Variants in GLP1R observed in about 807,000 individuals in gnomAD.
The protein encoded by GLP1R is glucagon-like peptide 1 receptor.
A neutral mutation model predicts 68.4 loss-of-function variants in GLP1R; 32 were observed. The observed-to-expected ratio is 0.47, with a 90% CI of 0.35 to 0.63. GLP1R has a LOEUF of 0.63. Ranked by LOEUF, GLP1R falls within the 20% of genes least tolerant of loss-of-function variation. GLP1R has a pLI of 0.00. For synonymous variants in GLP1R, 263 were observed against 244.4 expected, an observed-to-expected ratio of 1.08 and a Z score of -0.71; for missense variants, 502 against 594.9, an observed-to-expected ratio of 0.84 and a Z score of 1.62.
chr6:39,067,180 T>G (rs534600068), intron 5 of GLP1R, among the ~76,000 whole-genome samples: 174 of 152,340 alleles, frequency 1.1e-3, no homozygotes, highest in Non-Finnish European at 2.1e-3. Context: ...AATGTGCCTC[T>G]TTTAATTCCG....
intron 1 of GLP1R, among the ~76,000 whole-genome samples, chr6:39,055,802 T>A (rs751253019): frequency 6.6e-5 from 10 of 152,252 alleles, no homozygotes; most frequent in Non-Finnish European, 1.0e-4. Context: ...ACATCCCAGC[T>A]CTTTGTAGCC....
Position 39,086,213 on chromosome 6 carries a change from T to C in GLP1R, c.*140T>C. 1 of 627,044 alleles carries C rather than the reference T, an allele frequency of 1.6e-6. No homozygotes were observed. Among genetic ancestry groups the C allele is most frequent in the Non-Finnish European group, 2.6e-6 (1 of 384,066 alleles). The allele number at this position is 627,044 out of a possible 1,614,324, so 38.8% of individuals were successfully genotyped here. A position where few individuals can be genotyped will look rare whatever the true frequency, so the allele number is the denominator to read the frequency against. ...CACACACACACACACACATACATCC[T>C]GCTTTCCCTCCCCAAACCCATCAGA... is the stretch of plus-strand genomic sequence containing the variant. On this transcript the variant is annotated 3_prime_UTR_variant, in exon 13 of 13. Coordinates refer to ENST00000373256, the MANE Select transcript of GLP1R (RefSeq NM_002062.5). The surrounding 1 kb of genome is among the most constrained non-coding windows in gnomAD (Gnocchi z 4.5).
At position 39,077,144 on chromosome 6, in the gene GLP1R, CT is replaced by C. The variant is rs1258858019; in HGVS notation, c.824-1176del. On this transcript the variant is annotated intron_variant, in intron 7 of 12. Coordinates refer to ENST00000373256, the MANE Select transcript of GLP1R (RefSeq NM_002062.5). The stretch of plus-strand genomic sequence containing the variant: ...ATCTCGGTTCAACTTAGCTGGGTAC[CT>C]TGTGGCTCAGGATCTCACAGAGAAA... 5.3e-5 allele frequency among the ~76,000 whole-genome samples: 8 copies of C among 152,310 alleles called. No individual in the cohort carries two copies. The South Asian group carries it at 1.2e-3, about 24-fold the overall frequency.
At chr6:39,065,338 T>C (rs1006817490) in intron 3 of GLP1R, among the ~76,000 whole-genome samples, 7 of 152,174 alleles carry the variant, frequency 4.6e-5, no homozygotes, top group African/African-American at 1.7e-4. Context: ...CCAGACCTTG[T>C]CAGTAGTGTG....
chr6:39,071,007 A>G (rs1768646748), intron 5 of GLP1R, among the ~76,000 whole-genome samples: 1 of 152,206 alleles, frequency 6.6e-6, no homozygotes, highest in Non-Finnish European at 1.5e-5. Flanking sequence ...TTGCTTTAAA[A>G]TTATTCATTT....
chr6:39,060,932 C>G (rs1335423368), intron 3 of GLP1R, among the ~76,000 whole-genome samples: 3 of 152,198 alleles, frequency 2.0e-5, no homozygotes, highest in Non-Finnish European at 4.4e-5. Context: ...GGCAGTGGTA[C>G]TGAGGGAGGC....
chr6:39,066,326 AGGG>A, intron 5 of GLP1R, 23 bp downstream of exon 5: 1 of 1,352,986 alleles, frequency 7.4e-7, no homozygotes, highest in Non-Finnish European at 1.1e-6. Context: ...GGACCCTGGG[AGGG>A]GGCTGCTTCA....
intron 12 of GLP1R, among the ~76,000 whole-genome samples, chr6:39,083,142 A>C (rs2268637): frequency 0.05 from 7,556 of 152,214 alleles, 353 homozygotes; most frequent in African/African-American, 0.12. Context: ...GCCTGGCTAC[A>C]GACCCCAGCT....
intron 3 of GLP1R, among the ~76,000 whole-genome samples, chr6:39,063,945 ACACACACACACACACACC>A (rs1201745420): frequency 2.7e-4 from 34 of 127,484 alleles, no homozygotes; most frequent in South Asian, 1.1e-3. Context: ...ACACACACAC[ACACACACACACACACACC>A]CCACATTAAT....
rs114442514 is a variant in GLP1R at position 39,081,258 on chromosome 6, C to T, written c.1224+519C>T. Reference sequence around the variant, plus strand: ...TAGGTTTGGAAATAGTGGCACACATCGCTTCTTAGCCTTTTGGCTAAGGTG... The same window carrying T: ...TAGGTTTGGAAATAGTGGCACACATTGCTTCTTAGCCTTTTGGCTAAGGTG... On this transcript the variant is annotated intron_variant, in intron 12 of 12. Coordinates refer to ENST00000373256, the MANE Select transcript of GLP1R (RefSeq NM_002062.5). Among the ~76,000 whole-genome samples the T allele has an allele frequency of 2.0e-3, 311 of 152,270 alleles. 2 individuals carry two copies. The highest frequency in any genetic ancestry group is 7.2e-3 in the African/African-American group (299 of 41,552).
chr6:39,074,278 G>C (rs1329740744), intron 7 of GLP1R: 1 of 152,952 alleles, frequency 6.5e-6, no homozygotes, highest in Non-Finnish European at 1.5e-5. Context: ...GCCAGCCAAG[G>C]AAAGGGTGGA....
At chr6:39,072,578 A>T (rs1768699811) in intron 5 of GLP1R, among the ~76,000 whole-genome samples, 1 of 152,252 alleles carries the variant, frequency 6.6e-6, no homozygotes, top group Non-Finnish European at 1.5e-5. Flanking sequence ...CTCTTTGGTT[A>T]TGCAAGACTT....
intron 1 of GLP1R, among the ~76,000 whole-genome samples, chr6:39,055,337 T>C (rs113237926): frequency 1.1e-4 from 17 of 152,366 alleles, no homozygotes; most frequent in African/African-American, 3.8e-4. Context: ...CATGGGGCTC[T>C]TGGGTCATTT....
Position 39,073,023 on chromosome 6 carries a change from G to A in GLP1R, c.663+8G>A. ...GGGCTCCTCTCCTACCAGGTGTGTG[G>A]TGCATCCAGGACCGCCTCAGGAGGG... On this transcript the variant is annotated splice_region_variant and intron_variant, in intron 6 of 12. Coordinates refer to ENST00000373256, the MANE Select transcript of GLP1R (RefSeq NM_002062.5). 6.2e-7 allele frequency: 1 copy of A among 1,613,152 alleles called. No individual in the cohort carries two copies. Among genetic ancestry groups the A allele is most frequent in the Non-Finnish European group, 8.5e-7 (1 of 1,179,576 alleles).
intron 5 of GLP1R, among the ~76,000 whole-genome samples, chr6:39,067,673 C>A (rs976532748): frequency 6.6e-6 from 1 of 152,188 alleles, no homozygotes; most frequent in Non-Finnish European, 1.5e-5. Context: ...CCTGGCCCCC[C>A]CAAATTCCTG....
At chr6:39,063,533 T>A (rs148196082) in intron 3 of GLP1R, among the ~76,000 whole-genome samples, 32 of 152,326 alleles carry the variant, frequency 2.1e-4, no homozygotes, top group African/African-American at 5.5e-4. Context: ...TGAAGTATCT[T>A]TTAAAATGCA....
intron 2 of GLP1R, among the ~76,000 whole-genome samples, chr6:39,057,270 T>C (rs1309007156): frequency 6.6e-6 from 1 of 152,212 alleles, no homozygotes; most frequent in Non-Finnish European, 1.5e-5. Context: ...TTAAGTTACT[T>C]GCTCAAGGTC....
chr6:39,064,202 A>G (rs144027142), intron 3 of GLP1R, among the ~76,000 whole-genome samples: 11,140 of 151,686 alleles, frequency 0.073, 526 homozygotes, highest in African/African-American at 0.12. Flanking sequence ...ATGGGGTTTC[A>G]CCATGTTGCC....
chr6:39,071,249 G>T (rs1393681901), intron 5 of GLP1R, among the ~76,000 whole-genome samples: 2 of 150,796 alleles, frequency 1.3e-5, no homozygotes, highest in Non-Finnish European at 2.9e-5. Context: ...AGGAGGCTGA[G>T]GCGGGAGAAT....
Sources: gnomAD v4.1 joint callset for allele counts (sites outside exome capture counted in the v4.1 genomes callset) on GRCh38, gnomAD v4.1.1 for gene constraint, Gnocchi (gnomAD v3.1) non-coding constraint, MANE v1.5 for transcripts, NCBI Gene and HGNC (gene_info 2026-07-23, HGNC 2026-07-21) for gene names.